The following AFF3 variants were observed in gnomAD, a reference collection of about 807,000 sequenced individuals.
AFF3 encodes ALF transcription elongation factor 3, also known as AF4/FMR2 family member 3.
AFF3 carries 32 observed loss-of-function variants against 129.7 expected under a neutral mutation model. The observed-to-expected ratio is 0.25, with a 90% CI of 0.19 to 0.33. AFF3 has a LOEUF of 0.33. Ranked by LOEUF, AFF3 falls within the 10% of genes least tolerant of loss-of-function variation. The probability of loss-of-function intolerance (pLI) is 1.00; values close to 1 mark genes in which losing one functional copy is unlikely to be tolerated. For synonymous variants in AFF3, 644 were observed against 635.4 expected (o/e 1.01, Z -0.20); for missense variants, 1,373 against 1,592.0 (o/e 0.86, Z 2.34).
chr2:99,730,181 G>A (rs192197500), intron 10 of AFF3, among the ~76,000 whole-genome samples: 1 of 152,038 alleles, frequency 6.6e-6, no homozygotes, highest in Non-Finnish European at 1.5e-5. Flanking sequence ...ATGCTGCAGT[G>A]GGAAAAGATG....
At position 100,072,559 on chromosome 2, in the gene AFF3, T is replaced by C. The variant is rs1559105678; in HGVS notation, c.53+31843A>G. ...TGGGGCAGGCTTGCTGGCCGGGCTA[T>C]ACCATGAGCTAGCTGCCTGTCCTAC... On this transcript the variant is annotated intron_variant, in intron 4 of 24. Transcript: ENST00000672756. Among the ~76,000 whole-genome samples the C allele has an allele frequency of 2.0e-5, 3 of 152,194 alleles. No homozygotes were observed. The South Asian group carries it at 6.2e-4, about 32-fold the overall frequency.
chr2:99,856,371 C>T (rs62147610), intron 7 of AFF3, among the ~76,000 whole-genome samples: 23,923 of 152,048 alleles, frequency 0.16, 2,059 homozygotes, highest in Admixed American at 0.24. Context: ...AAAATATGAA[C>T]TCACATGGGG....
intron 11 of AFF3, among the ~76,000 whole-genome samples, chr2:99,722,665 T>C (rs1340244788): frequency 1.3e-5 from 2 of 152,214 alleles, no homozygotes; most frequent in African/African-American, 2.4e-5. Context: ...TTTTTGGCTT[T>C]CTAGTTATTG....
At chr2:100,128,290 T>G (rs939750865) in intron 2 of AFF3, among the ~76,000 whole-genome samples, 15 of 152,150 alleles carry the variant, frequency 9.9e-5, no homozygotes, top group African/African-American at 3.4e-4. Flanking sequence ...AATTCTTTCT[T>G]GCGTGAGATC....
intron 7 of AFF3, among the ~76,000 whole-genome samples, chr2:99,844,902 C>T (rs1689614363): frequency 1.3e-5 from 2 of 151,302 alleles, no homozygotes; most frequent in African/African-American, 4.9e-5. Context: ...GAACTCAGTA[C>T]AACAGAGCAG....
At chr2:99,856,033 C>T (rs1305392811) in intron 7 of AFF3, among the ~76,000 whole-genome samples, 1 of 152,000 alleles carries the variant, frequency 6.6e-6, no homozygotes, top group South Asian at 2.1e-4. Flanking sequence ...ACCAATATGC[C>T]TTAAAACTCA....
chr2:99,741,988 C>T (rs2105122848), intron 10 of AFF3, among the ~76,000 whole-genome samples: 1 of 152,234 alleles, frequency 6.6e-6, no homozygotes, highest in Non-Finnish European at 1.5e-5. Flanking sequence ...CTGTAAATTG[C>T]AGAGAATTCT....
intron 5 of AFF3, 22 bp downstream of exon 5, chr2:100,008,790 T>C: frequency 6.2e-7 from 1 of 1,610,768 alleles, no homozygotes; most frequent in Middle Eastern, 1.7e-4. Flanking sequence ...GAGGTAGAGA[T>C]GAACAACTGA....
chr2:99,710,268 C>CT (rs937293576), intron 11 of AFF3, among the ~76,000 whole-genome samples: 6 of 152,028 alleles, frequency 3.9e-5, no homozygotes, highest in East Asian at 3.9e-4. Flanking sequence ...TTTTTTGTTT[C>CT]TTTTTTTGAG....
intron 11 of AFF3, among the ~76,000 whole-genome samples, chr2:99,724,536 G>A (rs992193575): frequency 6.6e-5 from 10 of 152,174 alleles, no homozygotes; most frequent in African/African-American, 2.4e-4. Context: ...GCCTCCCAAA[G>A]TGCTGGGATT....
At chr2:99,792,732 A>T (rs1685287736) in intron 8 of AFF3, among the ~76,000 whole-genome samples, 1 of 152,120 alleles carries the variant, frequency 6.6e-6, no homozygotes, top group African/African-American at 2.4e-5. Context: ...TATTCATATA[A>T]TTTTATCCTT....
intron 11 of AFF3, among the ~76,000 whole-genome samples, chr2:99,711,304 CA>C (rs1558774312): frequency 6.6e-6 from 1 of 152,146 alleles, no homozygotes; most frequent in East Asian, 1.9e-4. Flanking sequence ...CTCCAGGAGC[CA>C]ACTCACTTCT....
intron 4 of AFF3, among the ~76,000 whole-genome samples, chr2:100,061,857 AGGGGGG>A (rs11370065): frequency 2.1e-5 from 2 of 97,270 alleles, no homozygotes; most frequent in African/African-American, 3.2e-5. Context: ...AGCACAGTGG[AGGGGGG>A]GGGGGTGCCG....
chr2:99,735,778 C>A lies in AFF3; in HGVS notation c.1039+8326G>T, dbSNP rs368385655. Among the ~76,000 whole-genome samples, 38 of 152,322 alleles carry A rather than the reference C, an allele frequency of 2.5e-4. 1 individual carries two copies. Among genetic ancestry groups the A allele is most frequent in the East Asian group, 1.2e-3 (6 of 5,190 alleles). ...AAAGCACTGGGATTACAGGCGTGAGCCACTGCACCCAGCTTCTAGTATGAG... is the reference window on the plus strand; with the variant it reads ...AAAGCACTGGGATTACAGGCGTGAGACACTGCACCCAGCTTCTAGTATGAG... On this transcript the variant is annotated intron_variant, in intron 10 of 24. Transcript: ENST00000672756.
At chr2:99,559,114 T>C in intron 21 of AFF3, 146 bp from the exon 22 acceptor site, 1 of 648,788 alleles carries the variant, frequency 1.5e-6, no homozygotes. Flanking sequence ...GCATATAATG[T>C]CTGTGAGGGA....
At chr2:100,119,342 G>C (rs980787269) in intron 2 of AFF3, among the ~76,000 whole-genome samples, 1 of 152,200 alleles carries the variant, frequency 6.6e-6, no homozygotes, top group Non-Finnish European at 1.5e-5. Flanking sequence ...CATGTCTAGA[G>C]ATTATCCACT....
intron 8 of AFF3, among the ~76,000 whole-genome samples, chr2:99,761,594 A>C (rs551145882): frequency 2.0e-5 from 3 of 152,228 alleles, no homozygotes; most frequent in African/African-American, 7.2e-5. Context: ...AGGAGAGAAG[A>C]AACAAAAATA....
At chr2:99,962,911 TTTGGTG>T (rs1031459751) in intron 7 of AFF3, among the ~76,000 whole-genome samples, 1 of 149,650 alleles carries the variant, frequency 6.7e-6, no homozygotes, top group African/African-American at 2.4e-5. Flanking sequence ...ATTTCTTAAA[TTTGGTG>T]AAAGAAATAA....
At chr2:99,890,233 T>C (rs1441807890) in intron 7 of AFF3, among the ~76,000 whole-genome samples, 1 of 152,122 alleles carries the variant, frequency 6.6e-6, no homozygotes, top group Non-Finnish European at 1.5e-5. Flanking sequence ...TTCCACCCAA[T>C]GAGGCAGCAG....
Sources: gnomAD v4.1 joint callset for allele counts (sites outside exome capture counted in the v4.1 genomes callset) on GRCh38, gnomAD v4.1.1 for gene constraint, MANE v1.5 for transcripts, NCBI Gene and HGNC (gene_info 2026-07-23, HGNC 2026-07-21) for gene names.